Variants in RPS6KA3 observed in about 807,000 individuals in gnomAD.
RPS6KA3 encodes the protein ribosomal protein S6 kinase A3.
RPS6KA3 carries 4 observed loss-of-function variants against 67.2 expected under a neutral mutation model. The ratio of observed to expected loss-of-function variants is 0.06; its 90% CI spans 0.03 to 0.14. The LOEUF (loss-of-function observed/expected upper bound fraction) is 0.14. Among genes scored for constraint, RPS6KA3 ranks in the 10% least tolerant of loss-of-function variants. The probability of loss-of-function intolerance (pLI) is 1.00; values close to 1 mark genes in which losing one functional copy is unlikely to be tolerated. For synonymous variants in RPS6KA3, 182 were observed against 183.7 expected (o/e 0.99, Z 0.07); for missense variants, 204 against 559.0 (o/e 0.36, Z 6.40).
Position 20,266,534 on chromosome X carries a change from C to T in RPS6KA3, c.69+30G>A, listed in dbSNP as rs758734620. The T allele has an allele frequency of 4.2e-5, 47 of 1,120,452 alleles. No individual in the cohort carries two copies. In the East Asian group the frequency reaches 6.7e-4, roughly 16 times the overall value. The allele number at this position is 1,120,452 out of a possible 1,213,427, so 92.3% of individuals were successfully genotyped here. On this transcript the variant is annotated intron_variant, in intron 1 of 21. Coordinates refer to ENST00000379565, the MANE Select transcript of RPS6KA3 (RefSeq NM_004586.3). ...CCGGCGGGGGCGCGAGGAGGAGATGCGCCGGCCCCGGCCGCCCTGCTGCAC... is the reference window on the plus strand; with the variant it reads ...CCGGCGGGGGCGCGAGGAGGAGATGTGCCGGCCCCGGCCGCCCTGCTGCAC...
intron 2 of RPS6KA3, among the ~76,000 whole-genome samples, chrX:20,213,318 T>A (rs374587822): frequency 8.9e-5 from 10 of 112,412 alleles, no homozygotes; most frequent in East Asian, 8.3e-4. Flanking sequence ...ACTTTGATAA[T>A]TTCTTAATTT....
chrX:20,242,282 C>T (rs1055563645), intron 1 of RPS6KA3, among the ~76,000 whole-genome samples: 27 of 111,677 alleles, frequency 2.4e-4, no homozygotes, highest in Non-Finnish European at 3.8e-4. Context: ...TAGTAGTTAT[C>T]CAGTAAATAC....
At chrX:20,225,557 C>A (rs1330449782) in intron 2 of RPS6KA3, among the ~76,000 whole-genome samples, 3 of 111,207 alleles carry the variant, frequency 2.7e-5, no homozygotes, top group African/African-American at 9.8e-5. Context: ...AACAATCAGT[C>A]AATAAGTGTT....
chrX:20,199,196 C>G (rs891731086), intron 4 of RPS6KA3, among the ~76,000 whole-genome samples: 5 of 111,181 alleles, frequency 4.5e-5, no homozygotes, highest in African/African-American at 1.3e-4. Context: ...GAGATATATA[C>G]TAAAATATTT....
chrX:20,257,663 T>C (rs546573755), intron 1 of RPS6KA3, among the ~76,000 whole-genome samples: 27 of 112,447 alleles, frequency 2.4e-4, no homozygotes, highest in Admixed American at 2.4e-3. Context: ...ACTAGCACAG[T>C]ACAGTGAATG....
intron 13 of RPS6KA3, among the ~76,000 whole-genome samples, chrX:20,175,773 A>G (rs1243336919): frequency 8.9e-6 from 1 of 111,960 alleles, no homozygotes; most frequent in East Asian, 2.8e-4. Flanking sequence ...GCAGCCCTCA[A>G]TAATAACCTA....
intron 14 of RPS6KA3, among the ~76,000 whole-genome samples, chrX:20,173,453 C>A (rs1259050110): frequency 8.9e-6 from 1 of 111,852 alleles, no homozygotes; most frequent in African/African-American, 3.2e-5. Flanking sequence ...GAAGTCATAG[C>A]CTTACACAAC....
At chrX:20,162,455 T>C (rs928203421) in intron 19 of RPS6KA3, among the ~76,000 whole-genome samples, 4 of 108,721 alleles carry the variant, frequency 3.7e-5, no homozygotes, top group African/African-American at 1.3e-4. Context: ...TCAGTAATGA[T>C]ATAGCCATAA....
intron 7 of RPS6KA3, among the ~76,000 whole-genome samples, chrX:20,192,095 T>G (rs1396790854): frequency 9.0e-6 from 1 of 111,561 alleles, no homozygotes; most frequent in Non-Finnish European, 1.9e-5. Context: ...GAATTACAAC[T>G]CAATAAAGCT....
At chrX:20,179,041 C>A (rs2067777039) in intron 10 of RPS6KA3, among the ~76,000 whole-genome samples, 1 of 110,838 alleles carries the variant, frequency 9.0e-6, no homozygotes, top group African/African-American at 3.3e-5. Context: ...TAAGAGGTCA[C>A]TGTTTTCTGA....
chrX:20,212,689 T>C (rs896314251), intron 2 of RPS6KA3, among the ~76,000 whole-genome samples: 2 of 109,752 alleles, frequency 1.8e-5, no homozygotes, highest in East Asian at 2.9e-4. Context: ...CAGTGAGCCA[T>C]GATCATGCCA....
chrX:20,165,764 G>A (rs1231173925), intron 17 of RPS6KA3, among the ~76,000 whole-genome samples: 2 of 111,730 alleles, frequency 1.8e-5, no homozygotes, highest in Non-Finnish European at 3.8e-5. Context: ...CTGCCTATTT[G>A]ATATACAAGG....
chrX:20,179,259 G>C (rs1337610355), intron 10 of RPS6KA3, among the ~76,000 whole-genome samples: 3 of 111,971 alleles, frequency 2.7e-5, no homozygotes, highest in Non-Finnish European at 5.6e-5. Flanking sequence ...TCAAAGATGT[G>C]AAGTCATGCA....
At chrX:20,166,804 G>A (rs2067452384) in intron 17 of RPS6KA3, among the ~76,000 whole-genome samples, 1 of 98,605 alleles carries the variant, frequency 1.0e-5, no homozygotes, top group East Asian at 3.4e-4. Context: ...TGCAACCTCC[G>A]CCTCTCGGGT....
At chrX:20,215,129 T>C (rs2068818251) in intron 2 of RPS6KA3, among the ~76,000 whole-genome samples, 1 of 111,730 alleles carries the variant, frequency 9.0e-6, no homozygotes, top group African/African-American at 3.3e-5. Context: ...CTAAGAGACT[T>C]TCTTGACTTT....
rs1219207369 is a variant in RPS6KA3 at position 20,152,038 on chromosome X, A to G, written c.*3360T>C. On this transcript the variant is annotated 3_prime_UTR_variant, in exon 22 of 22. Coordinates refer to ENST00000379565, the MANE Select transcript of RPS6KA3 (RefSeq NM_004586.3). ...AAGAGATGGGAAATGGTTGACCCAA[A>G]CCCGCTTTTTGGAGTACACTGCATG... 2 of 111,923 alleles carry G rather than the reference A, an allele frequency of 1.8e-5. No individual in the cohort carries two copies. Among genetic ancestry groups the G allele is most frequent in the Non-Finnish European group, 3.8e-5 (2 of 53,216 alleles). 9.2% of individuals were successfully genotyped at this position (111,923 alleles called of 1,213,427 possible).
chrX:20,186,226 G>C lies in RPS6KA3; in HGVS notation c.845+70C>G, dbSNP rs1293510989. On this transcript the variant is annotated intron_variant, in intron 10 of 21. Coordinates refer to ENST00000379565, the MANE Select transcript of RPS6KA3 (RefSeq NM_004586.3). ...CAAAGTGCTGGGATTACAGGCATGA[G>C]CCACAGCGCCCAGCCTGAAGCATTT... 4 of 747,754 alleles carry C rather than the reference G, an allele frequency of 5.3e-6. No individual in the cohort carries two copies. The East Asian group carries it at 1.3e-4, about 24-fold the overall frequency. 61.6% of individuals were successfully genotyped at this position (747,754 alleles called of 1,213,427 possible).
Position 20,155,223 on chromosome X carries a change from A to AC in RPS6KA3, c.*174dup, listed in dbSNP as rs1278751755. 3.9e-5 allele frequency: 21 copies of AC among 537,671 alleles called. No homozygotes were observed. Among genetic ancestry groups the AC allele is most frequent in the Non-Finnish European group, 6.1e-5 (19 of 312,454 alleles). 44.3% of individuals were successfully genotyped at this position (537,671 alleles called of 1,213,427 possible). A position where few individuals can be genotyped will look rare whatever the true frequency, so the allele number is the denominator to read the frequency against. ...AGCTCCAGGAAAATCTAACTTGCTAACAATCATTTAAAGCGAGAAGAGAGG... is the reference window on the plus strand; with the variant it reads ...AGCTCCAGGAAAATCTAACTTGCTAACCAATCATTTAAAGCGAGAAGAGAGG... On this transcript the variant is annotated 3_prime_UTR_variant, in exon 22 of 22. Coordinates refer to ENST00000379565, the MANE Select transcript of RPS6KA3 (RefSeq NM_004586.3).
At chrX:20,194,534 T>TA (rs962321660) in intron 5 of RPS6KA3, among the ~76,000 whole-genome samples, 10 of 108,321 alleles carry the variant, frequency 9.2e-5, no homozygotes, top group Non-Finnish European at 1.2e-4. Context: ...GAAAACCTCC[T>TA]AAAAAAAAAG....
Sources: allele counts gnomAD v4.1 joint callset (sites outside exome capture counted in the v4.1 genomes callset), GRCh38; gene constraint gnomAD v4.1.1; transcripts MANE v1.5; gene names NCBI Gene and HGNC (gene_info 2026-07-23, HGNC 2026-07-21).